Variants in HTR1F observed in about 807,000 individuals in gnomAD.
The protein encoded by HTR1F is 5-hydroxytryptamine (serotonin) receptor 1F, G protein-coupled.
In HTR1F, 17 loss-of-function variants were observed where a neutral mutation model predicts 24.0. That is an observed-to-expected ratio of 0.71 (90% CI 0.48 to 1.06). The LOEUF (loss-of-function observed/expected upper bound fraction) is 1.06, where lower values mean the gene tolerates loss of function less well. Ranked by LOEUF, HTR1F falls within the 50% of genes least tolerant of loss-of-function variation. The probability of loss-of-function intolerance (pLI) is 0.00; values close to 1 mark genes in which losing one functional copy is unlikely to be tolerated. For synonymous variants in HTR1F, 186 were observed against 156.8 expected (o/e 1.19, Z -1.39); for missense variants, 391 against 427.8 (o/e 0.91, Z 0.76).
chr3:87,974,135 C>T (rs1332650184), intron 2 of HTR1F, among the ~76,000 whole-genome samples: 1 of 152,172 alleles, frequency 6.6e-6, no homozygotes, highest in Non-Finnish European at 1.5e-5. Flanking sequence ...AATTTCCATG[C>T]AGAAGCCATG....
At chr3:87,970,518 C>T (rs962462386) in intron 2 of HTR1F, among the ~76,000 whole-genome samples, 5 of 152,156 alleles carry the variant, frequency 3.3e-5, no homozygotes, top group Admixed American at 3.3e-4. Flanking sequence ...CAGGGAATAG[C>T]TGGAGCTATT....
chr3:87,969,044 T>C (rs1308822994), intron 2 of HTR1F, among the ~76,000 whole-genome samples: 1 of 152,224 alleles, frequency 6.6e-6, no homozygotes, highest in Non-Finnish European at 1.5e-5. Flanking sequence ...CAGTCAAAAA[T>C]TGAGGTTTGG....
intron 2 of HTR1F, among the ~76,000 whole-genome samples, chr3:87,853,926 TA>T (rs1705146294): frequency 6.6e-6 from 1 of 152,132 alleles, no homozygotes; most frequent in Non-Finnish European, 1.5e-5. Flanking sequence ...TTTTTTCTTG[TA>T]AAATTGTTTA....
chr3:87,908,354 T>C (rs1248697814), intron 2 of HTR1F, among the ~76,000 whole-genome samples: 1 of 151,982 alleles, frequency 6.6e-6, no homozygotes, highest in Non-Finnish European at 1.5e-5. Context: ...GTTATTATTA[T>C]GAAATGTGTG....
intron 2 of HTR1F, among the ~76,000 whole-genome samples, chr3:87,884,887 C>A (rs1342419281): frequency 6.6e-6 from 1 of 152,094 alleles, no homozygotes; most frequent in Non-Finnish European, 1.5e-5. Context: ...TACTCCCACA[C>A]AATAATAATG....
intron 2 of HTR1F, among the ~76,000 whole-genome samples, chr3:87,899,471 T>C (rs1357799266): frequency 1.3e-5 from 2 of 152,188 alleles, no homozygotes; most frequent in African/African-American, 4.8e-5. Flanking sequence ...TACTTTTATA[T>C]GTTTATAAAC....
chr3:87,891,728 A>T (rs1051559350), intron 2 of HTR1F, among the ~76,000 whole-genome samples: 11 of 152,208 alleles, frequency 7.2e-5, no homozygotes, highest in Admixed American at 6.5e-4. Context: ...TCTCTCACTG[A>T]ACTCTTTTTC....
At chr3:87,989,995 CCTT>C (rs1705782769) in intron 2 of HTR1F, among the ~76,000 whole-genome samples, 1 of 152,148 alleles carries the variant, frequency 6.6e-6, no homozygotes, top group Admixed American at 6.5e-5. Flanking sequence ...GTCCTGAAGG[CCTT>C]CTTCTGGAGC....
intron 2 of HTR1F, among the ~76,000 whole-genome samples, chr3:87,827,125 T>TTC (rs1176235082): frequency 6.9e-6 from 1 of 144,122 alleles, no homozygotes; most frequent in African/African-American, 2.5e-5. Flanking sequence ...CTTTCTTTCT[T>TTC]TTTTTTTTTT....
rs1334046224 is a variant in HTR1F at position 87,917,845 on chromosome 3, T to C, written c.-42-72863T>C. On this transcript the variant is annotated intron_variant, in intron 2 of 2. Transcript: ENST00000319595. ...CACTATTCCACAAGATAGAGAAAGA[T>C]GGAACCCCTCCCTAAATCATTCTAT... 2.0e-5 allele frequency among the ~76,000 whole-genome samples: 3 copies of C among 151,886 alleles called. 1 individual carries two copies. Among genetic ancestry groups the C allele is most frequent in the East Asian group, 3.9e-4 (2 of 5,182 alleles).
chr3:87,984,894 A>C (rs561385327), intron 2 of HTR1F, among the ~76,000 whole-genome samples: 2 of 152,358 alleles, frequency 1.3e-5, no homozygotes, highest in Non-Finnish European at 2.9e-5. Flanking sequence ...GCAGTAAAAA[A>C]ATTGGAAAGC....
At chr3:87,810,365 A>G (rs1052958994) in intron 1 of HTR1F, among the ~76,000 whole-genome samples, 3 of 152,150 alleles carry the variant, frequency 2.0e-5, no homozygotes, top group African/African-American at 7.2e-5. Context: ...AAACTTTAGC[A>G]GTGCCTAATT....
intron 2 of HTR1F, among the ~76,000 whole-genome samples, chr3:87,936,454 T>C (rs377028395): frequency 1.3e-5 from 2 of 152,188 alleles, no homozygotes; most frequent in Non-Finnish European, 2.9e-5. Context: ...AAAAACTTTA[T>C]CATCTAGTTA....
chr3:87,810,433 C>T (rs1302235727), intron 1 of HTR1F, among the ~76,000 whole-genome samples: 1 of 152,086 alleles, frequency 6.6e-6, no homozygotes, highest in Non-Finnish European at 1.5e-5. Flanking sequence ...AAGTTCCAAG[C>T]AGACAGTAGG....
intron 1 of HTR1F, among the ~76,000 whole-genome samples, chr3:87,821,082 T>C (rs934663797): frequency 1.3e-5 from 2 of 152,194 alleles, no homozygotes; most frequent in African/African-American, 4.8e-5. Flanking sequence ...TTGTGCTTTA[T>C]TCAAGATTTT....
intron 2 of HTR1F, among the ~76,000 whole-genome samples, chr3:87,884,667 A>G (rs1462844052): frequency 3.4e-5 from 5 of 148,992 alleles, no homozygotes; most frequent in Non-Finnish European, 5.9e-5. Context: ...CTACCAAGCA[A>G]ATGGAAAGCA....
Position 87,811,279 on chromosome 3 carries a change from A to AC in HTR1F, c.-159-10729_-159-10728insC, listed in dbSNP as rs533132343. Reference sequence around the variant, plus strand: ...GTCATTCAGTGGAATTCTATTGTTAAAAAAAAAAAAAGCCTTCCTACAGAC... The same window carrying AC: ...GTCATTCAGTGGAATTCTATTGTTAACAAAAAAAAAAAGCCTTCCTACAGAC... On this transcript the variant is annotated intron_variant, in intron 1 of 2. Transcript: ENST00000319595. Among the ~76,000 whole-genome samples, 133 of 61,720 alleles carry AC rather than the reference A, an allele frequency of 2.2e-3. 1 individual carries two copies. Among genetic ancestry groups the AC allele is most frequent in the African/African-American group, 0.012 (126 of 10,732 alleles). 40.5% of individuals were successfully genotyped at this position (61,720 alleles called of 152,430 possible).
At chr3:87,796,135 C>T (rs977214847) in intron 1 of HTR1F, among the ~76,000 whole-genome samples, 2 of 152,056 alleles carry the variant, frequency 1.3e-5, no homozygotes, top group Admixed American at 6.6e-5. Context: ...TGTTTGCCAG[C>T]CTAGTCTTTA....
chr3:87,904,337 A>T (rs1703609601), intron 2 of HTR1F, among the ~76,000 whole-genome samples: 1 of 152,156 alleles, frequency 6.6e-6, no homozygotes, highest in Non-Finnish European at 1.5e-5. Flanking sequence ...TGGGACACTC[A>T]ATACGCTTTG....
Sources: allele counts gnomAD v4.1 joint callset (sites outside exome capture counted in the v4.1 genomes callset), GRCh38; gene constraint gnomAD v4.1.1; transcripts MANE v1.5; gene names NCBI Gene and HGNC (gene_info 2026-07-23, HGNC 2026-07-21).